The following VWC2 variants were observed in gnomAD, a reference collection of about 807,000 sequenced individuals.
VWC2 encodes von Willebrand factor C domain containing 2, also known as brorin.
A neutral mutation model predicts 29.8 loss-of-function variants in VWC2; 14 were observed. That is an observed-to-expected ratio of 0.47 (90% CI 0.31 to 0.74). VWC2 has a LOEUF of 0.74. Ranked by LOEUF, VWC2 falls within the 30% of genes least tolerant of loss-of-function variation. VWC2 has a pLI of 0.05. For synonymous variants in VWC2, 213 were observed against 199.0 expected (o/e 1.07, Z -0.59); for missense variants, 457 against 459.8 (o/e 0.99, Z 0.05).
chr7:49,863,374 G>C (rs1790741411), intron 3 of VWC2, among the ~76,000 whole-genome samples: 1 of 152,212 alleles, frequency 6.6e-6, no homozygotes, highest in Middle Eastern at 3.4e-3. Context: ...AGATTTGTCA[G>C]TTTTGTTGAT....
At chr7:49,858,968 G>A (rs1396293709) in intron 3 of VWC2, among the ~76,000 whole-genome samples, 4 of 152,172 alleles carry the variant, frequency 2.6e-5, no homozygotes, top group Non-Finnish European at 2.9e-5. Flanking sequence ...ATCAGAATAT[G>A]TCAGGATATA....
chr7:49,778,494 T>A (rs1479955996), intron 2 of VWC2, among the ~76,000 whole-genome samples: 1 of 152,346 alleles, frequency 6.6e-6, no homozygotes, highest in East Asian at 1.9e-4. Flanking sequence ...AAAGATTTTA[T>A]AGTGTTAGAG....
chr7:49,836,674 AAAT>A (rs1354543631), intron 3 of VWC2, among the ~76,000 whole-genome samples: 2 of 145,780 alleles, frequency 1.4e-5, no homozygotes, highest in African/African-American at 2.5e-5. Context: ...ATAAATAAAT[AAAT>A]AAATACAAAA....
chr7:49,775,420 C>CCGGGG lies in VWC2; in HGVS notation c.-16_-15insCGGGG. Reference sequence around the variant, plus strand: ...CCGCGCTCCCCGCCCGCCCGCCCGCCGGGACGTGGTAGGGGATGCCCAGCT... The same window carrying CCGGGG: ...CCGCGCTCCCCGCCCGCCCGCCCGCCCGGGGGGGACGTGGTAGGGGATGCCCAGCT... On this transcript the variant is annotated 5_prime_UTR_variant, in exon 2 of 4. It removes the in-frame stop codon of an upstream open reading frame in the 5' UTR. Coordinates refer to ENST00000340652, the MANE Select transcript of VWC2 (RefSeq NM_198570.5). 1 of 1,337,548 alleles carries CCGGGG rather than the reference C, an allele frequency of 7.5e-7. No individual in the cohort carries two copies. Among genetic ancestry groups the CCGGGG allele is most frequent in the Non-Finnish European group, 9.6e-7 (1 of 1,045,484 alleles). 82.9% of individuals were successfully genotyped at this position (1,337,548 alleles called of 1,614,324 possible).
intron 3 of VWC2, among the ~76,000 whole-genome samples, chr7:49,871,949 A>ACACACG (rs1315549948): frequency 8.1e-6 from 1 of 123,328 alleles, no homozygotes; most frequent in Admixed American, 7.7e-5. Flanking sequence ...ACACACACAC[A>ACACACG]CACACACACC....
chr7:49,865,297 T>C (rs1790832243), intron 3 of VWC2, among the ~76,000 whole-genome samples: 1 of 152,196 alleles, frequency 6.6e-6, no homozygotes, highest in Non-Finnish European at 1.5e-5. Context: ...TTGGATCAAG[T>C]AATAGATTCT....
At position 49,775,646 on chromosome 7, in the gene VWC2, G is replaced by C; in HGVS notation, c.211G>C (p.Gly71Arg). 1 of 1,528,880 alleles carries C rather than the reference G, an allele frequency of 6.5e-7. No individual in the cohort carries two copies. The highest frequency in any genetic ancestry group is 8.8e-7 in the Non-Finnish European group (1 of 1,140,934). The allele number at this position is 1,528,880 out of a possible 1,614,324, so 94.7% of individuals were successfully genotyped here. A position where few individuals can be genotyped will look rare whatever the true frequency, so the allele number is the denominator to read the frequency against. The change falls in exon 2 of 4, where the codon GGC (glycine) becomes CGC (arginine). Residue 71 changes from glycine to arginine, a missense_variant. Coordinates refer to ENST00000340652, the MANE Select transcript of VWC2 (RefSeq NM_198570.5). ...CGGGCGCCCGGCGAGGGACGAGGGC[G>C]GCAGCGGCCGGGACTGGAAGAGCAA... ...ELGRPARDEG[G>R]SGRDWKSKSG...
chr7:49,860,407 C>T (rs1462435581), intron 3 of VWC2, among the ~76,000 whole-genome samples: 1 of 152,322 alleles, frequency 6.6e-6, no homozygotes, highest in African/African-American at 2.4e-5. Context: ...CAAGGTTCAT[C>T]CAACTTGTAG....
At chr7:49,897,438 T>C (rs1254465149) in intron 3 of VWC2, among the ~76,000 whole-genome samples, 1 of 152,198 alleles carries the variant, frequency 6.6e-6, no homozygotes, top group Non-Finnish European at 1.5e-5. Context: ...AAGAATTGCA[T>C]GCCAAGAACA....
At chr7:49,849,167 C>T (rs1477508026) in intron 3 of VWC2, among the ~76,000 whole-genome samples, 1 of 152,174 alleles carries the variant, frequency 6.6e-6, no homozygotes, top group African/African-American at 2.4e-5. Flanking sequence ...CCCAGGGAAA[C>T]CCCACTGGAT....
chr7:49,881,073 C>T lies in VWC2; in HGVS notation c.827-30961C>T, dbSNP rs117848379. 2.6e-5 allele frequency among the ~76,000 whole-genome samples: 4 copies of T among 152,218 alleles called. No homozygotes were observed. In the East Asian group the frequency reaches 7.7e-4, roughly 29 times the overall value. On this transcript the variant is annotated intron_variant, in intron 3 of 3. Transcript: ENST00000340652. ...ATTCTCTGTTGGCCAATATCTTGCC[C>T]TATCTTGTCCTCCATTCCTGGCCTC...
chr7:49,816,024 G>A (rs1789134467), intron 3 of VWC2, among the ~76,000 whole-genome samples: 1 of 152,146 alleles, frequency 6.6e-6, no homozygotes, highest in Admixed American at 6.5e-5. Context: ...GTCATGGAAT[G>A]GGAGAAGAAG....
chr7:49,811,525 C>A (rs1789005769), intron 3 of VWC2, among the ~76,000 whole-genome samples: 3 of 152,184 alleles, frequency 2.0e-5, no homozygotes, highest in Non-Finnish European at 4.4e-5. Flanking sequence ...GAGGCCTCCC[C>A]AGCCACACAG....
intron 3 of VWC2, among the ~76,000 whole-genome samples, chr7:49,844,304 A>G (rs1449272322): frequency 6.6e-6 from 1 of 152,178 alleles, no homozygotes; most frequent in African/African-American, 2.4e-5. Flanking sequence ...AATTTAAAAC[A>G]CTGCAGTATT....
At chr7:49,807,655 A>G (rs1234472442) in intron 3 of VWC2, among the ~76,000 whole-genome samples, 1 of 152,236 alleles carries the variant, frequency 6.6e-6, no homozygotes, top group Non-Finnish European at 1.5e-5. Flanking sequence ...TTTAAATATG[A>G]AGGCTAAAAC....
chr7:49,872,915 CAAA>C (rs61473396), intron 3 of VWC2, among the ~76,000 whole-genome samples: 1 of 33,946 alleles, frequency 2.9e-5, no homozygotes, highest in Admixed American at 4.8e-4. Flanking sequence ...GACTTTGTCT[CAAA>C]AAAAAAAAAA....
chr7:49,857,183 C>T (rs769920), intron 3 of VWC2, among the ~76,000 whole-genome samples: 14,931 of 152,104 alleles, frequency 0.098, 2,123 homozygotes, highest in African/African-American at 0.31. Flanking sequence ...CAACTTTCTA[C>T]TTACCCCTAC....
Position 49,918,757 on chromosome 7 carries a change from T to A in VWC2, c.*6572T>A, listed in dbSNP as rs552719946. The A allele has an allele frequency of 1.3e-5, 2 of 152,336 alleles. No individual in the cohort carries two copies. Among genetic ancestry groups the A allele is most frequent in the Admixed American group, 1.3e-4 (2 of 15,304 alleles). 9.4% of individuals were successfully genotyped at this position (152,336 alleles called of 1,614,324 possible). On this transcript the variant is annotated 3_prime_UTR_variant, in exon 4 of 4. Coordinates refer to ENST00000340652, the MANE Select transcript of VWC2 (RefSeq NM_198570.5). Reference sequence around the variant, plus strand: ...CTATATTGATGAAGAAGTCAACATATGGTGGGTAACTTATCCAAATTTCAG... The same window carrying A: ...CTATATTGATGAAGAAGTCAACATAAGGTGGGTAACTTATCCAAATTTCAG...
At chr7:49,790,353 T>C (rs1337770457) in intron 2 of VWC2, among the ~76,000 whole-genome samples, 1 of 152,222 alleles carries the variant, frequency 6.6e-6, no homozygotes, top group Non-Finnish European at 1.5e-5. Flanking sequence ...TATGTGGAGT[T>C]GTCTTCTTAC....
Sources: allele counts gnomAD v4.1 joint callset (sites outside exome capture counted in the v4.1 genomes callset), GRCh38; gene constraint gnomAD v4.1.1; transcripts MANE v1.5; gene names NCBI Gene and HGNC (gene_info 2026-07-23, HGNC 2026-07-21).